Variants in ADCK1 observed in about 807,000 individuals in gnomAD.
ADCK1 encodes aarF domain-containing protein kinase 1.
Under a neutral mutation model 52.3 loss-of-function variants are expected in ADCK1, and 41 were observed. The observed-to-expected ratio is 0.78, with a 90% CI of 0.61 to 1.02. ADCK1 has a LOEUF of 1.02. Ranked by LOEUF, ADCK1 falls within the 50% of genes least tolerant of loss-of-function variation. The pLI is 0.00. For missense variants in ADCK1, 658 were observed against 679.5 expected, an observed-to-expected ratio of 0.97 and a Z score of 0.35; for synonymous variants, 250 against 274.6, an observed-to-expected ratio of 0.91 and a Z score of 0.89.
At chr14:77,868,184 C>T (rs770394026) in intron 4 of ADCK1, among the ~76,000 whole-genome samples, 3 of 152,188 alleles carry the variant, frequency 2.0e-5, no homozygotes, top group East Asian at 1.9e-4. Context: ...TCATTTAGTG[C>T]GACCCCCACA....
At chr14:77,844,139 C>T (rs983216903) in intron 3 of ADCK1, among the ~76,000 whole-genome samples, 3 of 152,062 alleles carry the variant, frequency 2.0e-5, no homozygotes, top group Non-Finnish European at 4.4e-5. Flanking sequence ...GTGATCTCCC[C>T]TTACTGCAAC....
chr14:77,907,808 C>G lies in ADCK1; in HGVS notation c.747C>G (p.Pro249=). Residue 249 remains proline (P), a synonymous_variant, in exon 7 of 11, where the codon CCC becomes CCG. Coordinates refer to ENST00000238561, the MANE Select transcript of ADCK1 (RefSeq NM_020421.4). Reference sequence around the variant, plus strand: ...CCTGTCCCTTCCTATCCCAGGTCCCCCGAATCCACTGGGACCTGTCCACGG... The same window carrying G: ...CCTGTCCCTTCCTATCCCAGGTCCCGCGAATCCACTGGGACCTGTCCACGG... ...MLRHFDFLKV[P]RIHWDLSTER... 6.2e-7 allele frequency: 1 copy of G among 1,613,266 alleles called. No individual in the cohort carries two copies. Among genetic ancestry groups the G allele is most frequent in the Non-Finnish European group, 8.5e-7 (1 of 1,179,444 alleles).
chr14:77,809,023 T>A (rs1294079833), intron 1 of ADCK1, among the ~76,000 whole-genome samples: 1 of 152,178 alleles, frequency 6.6e-6, no homozygotes, highest in Non-Finnish European at 1.5e-5. Flanking sequence ...AGTGATTGGC[T>A]CACAAGAAGC....
chr14:77,896,360 A>G (rs150598646), intron 5 of ADCK1, among the ~76,000 whole-genome samples: 4 of 152,334 alleles, frequency 2.6e-5, no homozygotes, highest in African/African-American at 9.6e-5. Context: ...CGTCTGGCCT[A>G]TGGTAATTAC....
intron 5 of ADCK1, among the ~76,000 whole-genome samples, chr14:77,897,341 C>G (rs1021136872): frequency 6.6e-6 from 1 of 152,204 alleles, no homozygotes; most frequent in African/African-American, 2.4e-5. Context: ...TCCTATGTCC[C>G]TGGTATCACC....
chr14:77,846,966 C>T (rs542113606), intron 3 of ADCK1, among the ~76,000 whole-genome samples: 93 of 152,330 alleles, frequency 6.1e-4, no homozygotes, highest in African/African-American at 2.1e-3. Flanking sequence ...CTCTGCCCTT[C>T]ATCCTGGGAT....
intron 7 of ADCK1, among the ~76,000 whole-genome samples, chr14:77,915,610 G>A (rs1335176322): frequency 2.0e-5 from 3 of 152,122 alleles, no homozygotes; most frequent in African/African-American, 4.8e-5. Context: ...GTCCTTTGTA[G>A]GGACATGGAT....
chr14:77,842,609 A>T (rs762563682), intron 3 of ADCK1, among the ~76,000 whole-genome samples: 1 of 150,198 alleles, frequency 6.7e-6, no homozygotes, highest in African/African-American at 2.5e-5. Flanking sequence ...CCCAGGCTGG[A>T]GTGCAGTGGC....
intron 4 of ADCK1, among the ~76,000 whole-genome samples, chr14:77,860,191 T>C (rs1207612439): frequency 2.0e-5 from 3 of 152,204 alleles, no homozygotes; most frequent in African/African-American, 7.2e-5. Context: ...CTTGTGCAAC[T>C]TGTGGCTTGA....
At chr14:77,839,614 C>T (rs1333053315) in intron 3 of ADCK1, among the ~76,000 whole-genome samples, 1 of 152,042 alleles carries the variant, frequency 6.6e-6, no homozygotes, top group East Asian at 1.9e-4. Flanking sequence ...GCACTGCTTG[C>T]AGAGAGCAGC....
intron 1 of ADCK1, among the ~76,000 whole-genome samples, chr14:77,811,044 G>C (rs187895371): frequency 5.3e-5 from 8 of 152,000 alleles, no homozygotes; most frequent in African/African-American, 1.9e-4. Flanking sequence ...GGGTGAGTCT[G>C]TTGCCCCTTT....
intron 6 of ADCK1, chr14:77,900,495 G>T: frequency 2.4e-6 from 1 of 422,258 alleles, no homozygotes; most frequent in African/African-American, 2.0e-5. Flanking sequence ...GCTGAGACAG[G>T]AGAATCGCTT....
chr14:77,932,047 A>T (rs552436909), intron 10 of ADCK1, among the ~76,000 whole-genome samples: 1 of 151,586 alleles, frequency 6.6e-6, no homozygotes, highest in Non-Finnish European at 1.5e-5. Flanking sequence ...TATTTATTTA[A>T]TTTATTTATT....
intron 7 of ADCK1, among the ~76,000 whole-genome samples, chr14:77,917,827 T>C (rs540054500): frequency 7.2e-5 from 11 of 152,234 alleles, no homozygotes; most frequent in Non-Finnish European, 1.3e-4. Context: ...AAATGGAACA[T>C]TTTGCCGGCT....
At chr14:77,834,504 T>C (rs1044914084) in intron 3 of ADCK1, among the ~76,000 whole-genome samples, 1 of 152,222 alleles carries the variant, frequency 6.6e-6, no homozygotes, top group Admixed American at 6.5e-5. Flanking sequence ...ATTCATCTCC[T>C]GGGAATGCTT....
chr14:77,856,166 C>T (rs578203639), intron 3 of ADCK1, among the ~76,000 whole-genome samples: 12 of 152,218 alleles, frequency 7.9e-5, no homozygotes, highest in South Asian at 6.2e-4. Flanking sequence ...GCCGAGATCA[C>T]GCCATTGCAC....
At position 77,923,577 on chromosome 14, in the gene ADCK1, G is replaced by A. The variant is rs756505738; in HGVS notation, c.859-880G>A. The A allele has an allele frequency of 6.6e-6, 1 of 152,170 alleles. No individual in the cohort carries two copies. Among genetic ancestry groups the A allele is most frequent in the East Asian group, 1.9e-4 (1 of 5,192 alleles). 9.4% of individuals were successfully genotyped at this position (152,170 alleles called of 1,614,324 possible). A position where few individuals can be genotyped will look rare whatever the true frequency, so the allele number is the denominator to read the frequency against. Reference sequence around the variant, plus strand: ...TTGTTAATGACCATGGGGTCTAGCCGAGGCCGAGAGGGTTGCCTAGGGCAG... The same window carrying A: ...TTGTTAATGACCATGGGGTCTAGCCAAGGCCGAGAGGGTTGCCTAGGGCAG... On this transcript the variant is annotated intron_variant, in intron 7 of 10. Coordinates refer to ENST00000238561, the MANE Select transcript of ADCK1 (RefSeq NM_020421.4). The surrounding 1 kb of genome is among the most constrained non-coding windows in gnomAD (Gnocchi z 4.3).
chr14:77,841,220 A>G (rs1380474486), intron 3 of ADCK1, among the ~76,000 whole-genome samples: 1 of 152,164 alleles, frequency 6.6e-6, no homozygotes, highest in African/African-American at 2.4e-5. Flanking sequence ...ACTGAAGGAC[A>G]TGGAGGGAGG....
intron 3 of ADCK1, among the ~76,000 whole-genome samples, chr14:77,824,125 C>T (rs371895302): frequency 6.6e-6 from 1 of 151,648 alleles, no homozygotes; most frequent in Non-Finnish European, 1.5e-5. Flanking sequence ...TCTTGAACTC[C>T]TGGCCTCAAG....
Sources: gnomAD v4.1 joint callset for allele counts (sites outside exome capture counted in the v4.1 genomes callset) on GRCh38, gnomAD v4.1.1 for gene constraint, Gnocchi (gnomAD v3.1) non-coding constraint, MANE v1.5 for transcripts, NCBI Gene and HGNC (gene_info 2026-07-23, HGNC 2026-07-21) for gene names.